RHPN2: variants seen among roughly 807,000 people sequenced by gnomAD.
RHPN2 encodes rhophilin-2.
A neutral mutation model predicts 79.0 loss-of-function variants in RHPN2; 40 were observed. That is an observed-to-expected ratio of 0.51 (90% CI 0.39 to 0.66). The LOEUF (loss-of-function observed/expected upper bound fraction) is 0.66, where lower values mean the gene tolerates loss of function less well. RHPN2 is among the 30% of genes least tolerant of loss of function. The pLI is 0.00. For missense variants in RHPN2, 686 were observed against 883.5 expected, an observed-to-expected ratio of 0.78 and a Z score of 2.83; for synonymous variants, 285 against 363.5, an observed-to-expected ratio of 0.78 and a Z score of 2.46.
At chr19:32,983,631 T>TC (rs1364810853) in intron 14 of RHPN2, among the ~76,000 whole-genome samples, 2 of 107,222 alleles carry the variant, frequency 1.9e-5, no homozygotes, top group African/African-American at 8.2e-5. Context: ...TTAAAAGCCT[T>TC]TTTTTTTTTT....
intron 2 of RHPN2, among the ~76,000 whole-genome samples, chr19:33,043,074 G>A (rs1366295011): frequency 1.7e-4 from 20 of 116,874 alleles, no homozygotes; most frequent in African/African-American, 7.9e-4. Flanking sequence ...GCAAGACTCC[G>A]TCTCAAAAAA....
At chr19:32,983,162 AACACAC>A (rs56696945) in intron 14 of RHPN2, among the ~76,000 whole-genome samples, 13 of 130,972 alleles carry the variant, frequency 9.9e-5, no homozygotes, top group Middle Eastern at 3.9e-3. Context: ...CACACACACA[AACACAC>A]ACACACACAC....
At chr19:32,990,279 T>C (rs1971647070) in intron 14 of RHPN2, among the ~76,000 whole-genome samples, 1 of 152,154 alleles carries the variant, frequency 6.6e-6, no homozygotes. Context: ...ATCATACCAC[T>C]GCAAACCAGC....
intron 2 of RHPN2, among the ~76,000 whole-genome samples, chr19:33,043,911 G>A (rs1316093966): frequency 3.9e-5 from 6 of 152,084 alleles, no homozygotes; most frequent in Admixed American, 1.3e-4. Context: ...TCTGCACCAG[G>A]CATAGTGTCA....
chr19:33,064,880 C>A lies in RHPN2; in HGVS notation c.-28G>T, dbSNP rs1328182346. ...TAGCGGCGCGGGCGCGGAGGGCGGA[C>A]GGCGGACTGAGGCGCGGCGGCTGAG... On this transcript the variant is annotated 5_prime_UTR_variant, in exon 1 of 15. Transcript: ENST00000254260. The A allele has an allele frequency of 6.0e-6, 9 of 1,490,620 alleles. No homozygotes were observed. Among genetic ancestry groups the A allele is most frequent in the African/African-American group, 1.5e-5 (1 of 68,302 alleles). 92.3% of individuals were successfully genotyped at this position (1,490,620 alleles called of 1,614,324 possible).
intron 14 of RHPN2, among the ~76,000 whole-genome samples, chr19:32,987,835 A>C (rs1971623143): frequency 6.6e-6 from 1 of 151,822 alleles, no homozygotes; most frequent in African/African-American, 2.4e-5. Context: ...TCAAAACATG[A>C]CTCTTGATTT....
At chr19:33,044,753 G>A (rs530307267) in intron 1 of RHPN2, among the ~76,000 whole-genome samples, 1 of 152,236 alleles carries the variant, frequency 6.6e-6, no homozygotes, top group South Asian at 2.1e-4. Context: ...AATTAACCAG[G>A]TGTGGTGGTG....
At chr19:32,992,013 T>G in intron 12 of RHPN2, 44 bp from the exon 13 acceptor site, 1 of 1,612,578 alleles carries the variant, frequency 6.2e-7, no homozygotes, top group Non-Finnish European at 8.5e-7. Context: ...GAAGGCTGGA[T>G]CAGACGCTTG....
intron 14 of RHPN2, among the ~76,000 whole-genome samples, chr19:32,983,159 ACAAAC>A (rs1971588791): frequency 9.1e-6 from 1 of 109,746 alleles, no homozygotes; most frequent in Admixed American, 9.8e-5. Context: ...CTACACACAC[ACAAAC>A]ACACACACAC....
intron 2 of RHPN2, among the ~76,000 whole-genome samples, chr19:33,040,372 G>A (rs4805845): frequency 0.16 from 24,188 of 151,338 alleles, 2,435 homozygotes; most frequent in East Asian, 0.31. Flanking sequence ...GAGTAGCTGG[G>A]ATTACGGGCA....
intron 4 of RHPN2, among the ~76,000 whole-genome samples, chr19:33,015,578 C>CA (rs1177858160): frequency 1.3e-5 from 2 of 152,078 alleles, no homozygotes; most frequent in Non-Finnish European, 2.9e-5. Context: ...AAGAAACAAT[C>CA]AAAATAATTT....
At position 32,996,087 on chromosome 19, in the gene RHPN2, C is replaced by G. The variant is rs780058656; in HGVS notation, c.1359G>C (p.Thr453=). ...CATCCTCCTCCTGGTGCTGGGCGTA[C>G]GTGAGCCGGGAGCGTTCCTGTGCGG... ...LCAAQERSRL[T]YAQHQEEDDL... Residue 453 remains threonine, a synonymous_variant, in exon 11 of 15, where the codon ACG becomes ACC. Transcript: ENST00000254260. The G allele has an allele frequency of 5.0e-6, 8 of 1,614,014 alleles. No homozygotes were observed. The highest frequency in any genetic ancestry group is 6.8e-6 in the Non-Finnish European group (8 of 1,179,880).
chr19:33,014,207 T>G (rs1339626086), intron 4 of RHPN2, among the ~76,000 whole-genome samples: 1 of 151,702 alleles, frequency 6.6e-6, no homozygotes, highest in African/African-American at 2.4e-5. Context: ...ACATTAAAGC[T>G]CCTCCTGTTT....
At position 32,991,831 on chromosome 19, in the gene RHPN2, A is replaced by G; in HGVS notation, c.1636T>C (p.Ser546Pro). Residue 546 changes from serine to proline, a missense_variant, in exon 13 of 15, where the codon TCT becomes CCT. By Grantham distance (74) the Ser-to-Pro change is moderately conservative. Transcript: ENST00000254260. The stretch of plus-strand genomic sequence containing the variant: ...GAAAAGCATGTGCTTACCGAGGCAG[A>G]GCAGTAAGGATCCAGGAAGTGAACC... ...VQVHFLDPYC[S>P]ASVAGAREGD... 1 of 1,613,964 alleles carries G rather than the reference A, an allele frequency of 6.2e-7. No homozygotes were observed. The highest frequency in any genetic ancestry group is 8.5e-7 in the Non-Finnish European group (1 of 1,179,858).
chr19:33,036,880 C>CCT (rs1555713805), intron 2 of RHPN2, among the ~76,000 whole-genome samples: 3 of 150,524 alleles, frequency 2.0e-5, no homozygotes, highest in African/African-American at 7.5e-5. Flanking sequence ...GCCCCCCCGC[C>CCT]ACCCTCTGTG....
rs1349678839 is a variant in RHPN2, at chr19:33,005,623, A to AAG, written c.760+2390_760+2391insCT. On this transcript the variant is annotated intron_variant, in intron 7 of 14. Coordinates refer to ENST00000254260, the MANE Select transcript of RHPN2 (RefSeq NM_033103.5). ...GTTGCTGAGCAAAAAAAAAAAAAAAAAAGCCCTGCCCTGCGGAGGGATGGC... is the reference window on the plus strand; with the variant it reads ...GTTGCTGAGCAAAAAAAAAAAAAAAAAGAAGCCCTGCCCTGCGGAGGGATGGC... 2.7e-4 allele frequency among the ~76,000 whole-genome samples: 39 copies of AAG among 143,068 alleles called. 1 individual carries two copies. The highest frequency in any genetic ancestry group is 3.8e-3 in the Middle Eastern group (1 of 266). The allele number at this position is 143,068 out of a possible 152,430, so 93.9% of individuals were successfully genotyped here.
At chr19:33,023,437 G>GA (rs751212140) in intron 3 of RHPN2, among the ~76,000 whole-genome samples, 3,050 of 77,576 alleles carry the variant, frequency 0.039, 122 homozygotes, top group African/African-American at 0.11. Flanking sequence ...TCCATCTCAG[G>GA]AAAAAAAAAA....
At position 32,979,195 on chromosome 19, in the gene RHPN2, C is replaced by T. The variant is rs1451988512; in HGVS notation, c.*801G>A. The T allele has an allele frequency of 1.3e-5, 2 of 152,152 alleles. No homozygotes were observed. The highest frequency in any genetic ancestry group is 6.6e-5 in the Admixed American group (1 of 15,250). The allele number at this position is 152,152 out of a possible 1,614,324, so 9.4% of individuals were successfully genotyped here. On this transcript the variant is annotated 3_prime_UTR_variant, in exon 15 of 15. Coordinates refer to ENST00000254260, the MANE Select transcript of RHPN2 (RefSeq NM_033103.5). ...TAGAGCTTTAAACCTGAATCATTTA[C>T]ATCTTTACTTTATAAAATGTAAAAC...
At chr19:33,059,290 T>A (rs945533567) in intron 1 of RHPN2, among the ~76,000 whole-genome samples, 1 of 145,152 alleles carries the variant, frequency 6.9e-6, no homozygotes, top group Non-Finnish European at 1.5e-5. Flanking sequence ...ACTTTTGTTT[T>A]TTTCTTTTAT....
Sources: allele counts gnomAD v4.1 joint callset (sites outside exome capture counted in the v4.1 genomes callset), GRCh38; gene constraint gnomAD v4.1.1; transcripts MANE v1.5; gene names NCBI Gene and HGNC (gene_info 2026-07-23, HGNC 2026-07-21).